Variants in LDLRAD3 observed in about 807,000 individuals in gnomAD.
LDLRAD3 encodes the protein low density lipoprotein receptor class A domain containing 3, also known as low-density lipoprotein receptor class A domain-containing protein 3.
LDLRAD3 carries 20 observed loss-of-function variants against 29.4 expected under a neutral mutation model. The observed-to-expected ratio is 0.68, with a 90% CI of 0.48 to 0.99. LDLRAD3 has a LOEUF of 0.99. LDLRAD3 is among the 50% of genes least tolerant of loss of function. The probability of loss-of-function intolerance (pLI) is 0.00; values close to 1 mark genes in which losing one functional copy is unlikely to be tolerated. For missense variants in LDLRAD3, 420 were observed against 454.3 expected (o/e 0.92, Z 0.69); for synonymous variants, 157 against 192.7 (o/e 0.81, Z 1.53).
intron 2 of LDLRAD3, among the ~76,000 whole-genome samples, chr11:36,055,241 C>T (rs1852601623): frequency 6.7e-6 from 1 of 148,638 alleles, no homozygotes; most frequent in Admixed American, 6.8e-5. Context: ...GCCCTGACCC[C>T]AATTCCTGCT....
chr11:36,113,996 T>C (rs1853640613), intron 4 of LDLRAD3, among the ~76,000 whole-genome samples: 1 of 152,122 alleles, frequency 6.6e-6, no homozygotes, highest in Non-Finnish European at 1.5e-5. Flanking sequence ...ACTCTATTGA[T>C]CAAAATAGTC....
In LDLRAD3 at chr11:36,230,781, T is replaced by A. The variant is rs545682168; in HGVS notation, c.*1384T>A. 1 of 152,754 alleles carries A rather than the reference T, an allele frequency of 6.5e-6. No homozygotes were observed. Among genetic ancestry groups the A allele is most frequent in the South Asian group, 2.1e-4 (1 of 4,818 alleles). 9.5% of individuals were successfully genotyped at this position (152,754 alleles called of 1,614,324 possible). On this transcript the variant is annotated 3_prime_UTR_variant, in exon 6 of 6. Transcript: ENST00000315571. The stretch of plus-strand genomic sequence containing the variant: ...GTCCAAAGAAAGATGCAAAAGGAGA[T>A]CACACCCTTGCCCCGCTGAGCCCCG...
rs141742911 is a variant in LDLRAD3 at position 36,193,840 on chromosome 11, T to G, written c.455-33245T>G. The stretch of plus-strand genomic sequence containing the variant: ...AGTGTAGTGGAAAGGGCTTGAGGCT[T>G]TGGAGGTCTGACAGATTTGGATTCA... On this transcript the variant is annotated intron_variant, in intron 4 of 5. Coordinates refer to ENST00000315571, the MANE Select transcript of LDLRAD3 (RefSeq NM_174902.4). Among the ~76,000 whole-genome samples, 1,038 of 152,214 alleles carry G rather than the reference T, an allele frequency of 6.8e-3. 11 individuals are homozygous for G. The highest frequency in any genetic ancestry group is 0.023 in the African/African-American group (969 of 41,536).
At chr11:36,087,133 C>G (rs1458200975) in intron 3 of LDLRAD3, among the ~76,000 whole-genome samples, 1 of 151,368 alleles carries the variant, frequency 6.6e-6, no homozygotes, top group Non-Finnish European at 1.5e-5. Context: ...CATAAATAAA[C>G]TCTAAGAAAA....
At chr11:36,114,808 A>G (rs1036588907) in intron 4 of LDLRAD3, among the ~76,000 whole-genome samples, 1 of 152,018 alleles carries the variant, frequency 6.6e-6, no homozygotes, top group Non-Finnish European at 1.5e-5. Flanking sequence ...CCTTTCCCCT[A>G]TCCACAGCCC....
At chr11:36,179,040 T>G (rs1478420715) in intron 4 of LDLRAD3, among the ~76,000 whole-genome samples, 1 of 152,210 alleles carries the variant, frequency 6.6e-6, no homozygotes, top group African/African-American at 2.4e-5. Context: ...GCAGGACCTG[T>G]CTCTGTAATT....
At chr11:36,022,415 C>T (rs1852109299) in intron 1 of LDLRAD3, among the ~76,000 whole-genome samples, 1 of 151,524 alleles carries the variant, frequency 6.6e-6, no homozygotes, top group South Asian at 2.1e-4. Context: ...GAAGCTTCTA[C>T]TGAATTTTAG....
chr11:36,115,942 A>G (rs887587956), intron 4 of LDLRAD3, among the ~76,000 whole-genome samples: 6 of 152,146 alleles, frequency 3.9e-5, no homozygotes, highest in Admixed American at 6.5e-5. Flanking sequence ...ATGTATATTA[A>G]CATATTCATG....
At chr11:35,960,346 T>C (rs1851260497) in intron 1 of LDLRAD3, among the ~76,000 whole-genome samples, 1 of 152,188 alleles carries the variant, frequency 6.6e-6, no homozygotes, top group African/African-American at 2.4e-5. Context: ...GCAGTGAAAA[T>C]TTTTGTGCAT....
intron 4 of LDLRAD3, among the ~76,000 whole-genome samples, chr11:36,165,976 C>CCCTTCCTTCCTT (rs1242167369): frequency 1.9e-4 from 19 of 101,468 alleles, no homozygotes; most frequent in African/African-American, 7.7e-4. Flanking sequence ...CTCCCTCCCT[C>CCCTTCCTTCCTT]CCTTCCTTCC....
intron 4 of LDLRAD3, among the ~76,000 whole-genome samples, chr11:36,173,709 G>T (rs1345015254): frequency 1.3e-5 from 2 of 152,010 alleles, no homozygotes; most frequent in Non-Finnish European, 2.9e-5. Flanking sequence ...CCCAGTAATG[G>T]GATGGCTGGG....
At chr11:36,162,270 T>C (rs772347608) in intron 4 of LDLRAD3, among the ~76,000 whole-genome samples, 14 of 152,208 alleles carry the variant, frequency 9.2e-5, no homozygotes, top group Non-Finnish European at 1.5e-4. Context: ...GATGCATTTT[T>C]GAAGAATTGG....
At chr11:36,220,891 G>A (rs184404054) in intron 4 of LDLRAD3, among the ~76,000 whole-genome samples, 1 of 152,220 alleles carries the variant, frequency 6.6e-6, no homozygotes, top group African/African-American at 2.4e-5. Context: ...TATGCCTAAG[G>A]TGTACCTCAA....
chr11:36,076,913 CT>C (rs1228889065), intron 2 of LDLRAD3, among the ~76,000 whole-genome samples: 2 of 151,784 alleles, frequency 1.3e-5, no homozygotes, highest in Non-Finnish European at 1.5e-5. Flanking sequence ...TAGGCTGGTT[CT>C]TTTCTTCCCC....
At chr11:36,048,388 A>AC (rs371550183) in intron 2 of LDLRAD3, among the ~76,000 whole-genome samples, 8 of 151,830 alleles carry the variant, frequency 5.3e-5, no homozygotes, top group African/African-American at 1.9e-4. Context: ...TGACACCCCC[A>AC]CCCCCTGCCC....
intron 4 of LDLRAD3, among the ~76,000 whole-genome samples, chr11:36,155,443 T>C (rs1185096393): frequency 1.3e-5 from 2 of 152,208 alleles, no homozygotes; most frequent in Non-Finnish European, 2.9e-5. Flanking sequence ...GTCATAGTTA[T>C]ATTGACTTCC....
chr11:36,017,845 C>T (rs1852043865), intron 1 of LDLRAD3, among the ~76,000 whole-genome samples: 1 of 152,122 alleles, frequency 6.6e-6, no homozygotes. Flanking sequence ...TAATACAGTT[C>T]TTCAAAGATA....
chr11:36,043,491 C>T (rs1168997149), intron 2 of LDLRAD3, among the ~76,000 whole-genome samples: 1 of 152,186 alleles, frequency 6.6e-6, no homozygotes, highest in Non-Finnish European at 1.5e-5. Context: ...GAAATCCAAA[C>T]CCCCGGTATC....
chr11:36,107,204 C>CTTTTT (rs1282766992), intron 4 of LDLRAD3, among the ~76,000 whole-genome samples: 1 of 143,886 alleles, frequency 6.9e-6, no homozygotes, highest in Non-Finnish European at 1.5e-5. Context: ...TTTTCTTTTT[C>CTTTTT]TTTTTTTTTT....
Sources: allele counts gnomAD v4.1 joint callset (sites outside exome capture counted in the v4.1 genomes callset), GRCh38; gene constraint gnomAD v4.1.1; transcripts MANE v1.5; gene names NCBI Gene and HGNC (gene_info 2026-07-23, HGNC 2026-07-21).